The following SPG11 variants were observed in gnomAD, a reference collection of about 807,000 sequenced individuals.
SPG11 encodes spatacsin.
Under a neutral mutation model 274.0 loss-of-function variants are expected in SPG11, and 222 were observed. The observed-to-expected ratio is 0.81, with a 90% CI of 0.73 to 0.91. The LOEUF is 0.91. Ranked by LOEUF, SPG11 falls within the 40% of genes least tolerant of loss-of-function variation. SPG11 has a pLI of 0.00. For synonymous variants in SPG11, 1,144 were observed against 1,039.7 expected (o/e 1.10, Z -1.93); for missense variants, 3,114 against 2,872.7 (o/e 1.08, Z -1.92).
intron 3 of SPG11, 79 bp from the exon 4 acceptor site, chr15:44,657,375 T>C (rs2084972129): frequency 2.9e-6 from 4 of 1,359,654 alleles, no homozygotes; most frequent in African/African-American, 1.4e-5. Flanking sequence ...GAAAGAGCTA[T>C]AGACTTTATC....
In SPG11 at chr15:44,633,568, G is replaced by C; in HGVS notation, c.1672C>G (p.Pro558Ala). ...FLKSKENLFN[P>A]SSKSSVSDQF... is the part of the protein sequence containing the mutation. ...TCAGATACAGAAGATTTTGAGGATG[G>C]ATTAAAAAGATTTTCCTTGCTCTTC... is the stretch of plus-strand genomic sequence containing the variant. The change falls in exon 8 of 40, where the codon CCA becomes GCA. Residue 558 changes from proline to alanine, a missense_variant. Coordinates refer to ENST00000261866, the MANE Select transcript of SPG11 (RefSeq NM_025137.4). The C allele has an allele frequency of 6.2e-7, 1 of 1,612,040 alleles. No homozygotes were observed. The highest frequency in any genetic ancestry group is 1.3e-5 in the African/African-American group (1 of 74,900).
chr15:44,589,040 T>A (rs111589753), intron 28 of SPG11, among the ~76,000 whole-genome samples: 1 of 152,234 alleles, frequency 6.6e-6, no homozygotes, highest in Admixed American at 6.5e-5. Flanking sequence ...TAGAATGAGA[T>A]GATTGGTTAT....
Position 44,626,412 on chromosome 15 carries a change from A to C in SPG11, c.2163T>G (p.Leu721=). The C allele has an allele frequency of 2.5e-6, 4 of 1,613,972 alleles. No individual in the cohort carries two copies. The highest frequency in any genetic ancestry group is 3.4e-6 in the Non-Finnish European group (4 of 1,179,934). The change falls in exon 11 of 40, where the codon CTT becomes CTG. Residue 721 remains leucine (L), a synonymous_variant. Coordinates refer to ENST00000261866, the MANE Select transcript of SPG11 (RefSeq NM_025137.4). ...DSHSAQKLEE[L]IGIGLNLVFD... Reference sequence around the variant, plus strand: ...AGACCAAATTTAGGCCTATGCCAATAAGCTCCTCAAGTTTTTGAGCAGAAT... The same window carrying C: ...AGACCAAATTTAGGCCTATGCCAATCAGCTCCTCAAGTTTTTGAGCAGAAT...
chr15:44,597,538 C>A (rs1180629267), intron 23 of SPG11, among the ~76,000 whole-genome samples: 2 of 152,190 alleles, frequency 1.3e-5, no homozygotes, highest in African/African-American at 4.8e-5. Context: ...CTTAGGAGAA[C>A]TGAGGAAGTT....
chr15:44,659,665 A>G (rs1220429182), intron 2 of SPG11, among the ~76,000 whole-genome samples: 2 of 152,344 alleles, frequency 1.3e-5, no homozygotes, highest in South Asian at 2.1e-4. Context: ...TGCTTTAAAA[A>G]TAGAGGCCTG....
rs573539858 is a variant in SPG11 at position 44,579,521 on chromosome 15, C to T, written c.5866+4293G>A. Among the ~76,000 whole-genome samples the T allele has an allele frequency of 1.2e-4, 15 of 127,950 alleles. No individual in the cohort carries two copies. In the East Asian group the frequency reaches 1.7e-3, roughly 15 times the overall value. The allele number at this position is 127,950 out of a possible 152,430, so 83.9% of individuals were successfully genotyped here. A position where few individuals can be genotyped will look rare whatever the true frequency, so the allele number is the denominator to read the frequency against. ...TAGCATGGGCGATAGAGTGAGACTC[C>T]GTCTCAAAAAAAAAAAAAAAAAAAA... On this transcript the variant is annotated intron_variant, in intron 30 of 39. Coordinates refer to ENST00000261866, the MANE Select transcript of SPG11 (RefSeq NM_025137.4).
rs768818766 is a variant in SPG11, at chr15:44,620,261, A to C, written c.2763T>G (p.Thr921=). ...SLQQNKWPLL[T]VDVINQNTSC... ...AAGTATTCTGGTTAATAACATCAAC[A>C]GTCAGAAGGGGCCATTTGTTCTGCT... is the stretch of plus-strand genomic sequence containing the variant. Residue 921 remains threonine, a synonymous_variant, in exon 15 of 40, where the codon ACT becomes ACG. Coordinates refer to ENST00000261866, the MANE Select transcript of SPG11 (RefSeq NM_025137.4). 2 of 1,614,168 alleles carry C rather than the reference A, an allele frequency of 1.2e-6. No homozygotes were observed. Among genetic ancestry groups the C allele is most frequent in the South Asian group, 1.1e-5 (1 of 91,086 alleles).
rs781416467 is a variant in SPG11 at position 44,628,775 on chromosome 15, A to T, written c.1961T>A (p.Met654Lys). ...TSYINELRTFMIKFPWKLTDA... is the reference protein window; with the variant it reads ...TSYINELRTFKIKFPWKLTDA... ...TGTTAGCTTCCAAGGAAACTTTATC[A>T]TGAAGGTTCGAAGTTCATTAATGTA... The change falls in exon 10 of 40, where the codon ATG becomes AAG. Residue 654 changes from methionine to lysine, a missense_variant. Met to Lys is a moderately conservative substitution (Grantham distance 95). Coordinates refer to ENST00000261866, the MANE Select transcript of SPG11 (RefSeq NM_025137.4). 1 of 1,613,656 alleles carries T rather than the reference A, an allele frequency of 6.2e-7. No homozygotes were observed. Among genetic ancestry groups the T allele is most frequent in the Non-Finnish European group, 8.5e-7 (1 of 1,179,918 alleles).
chr15:44,582,197 A>G lies in SPG11; in HGVS notation c.5866+1617T>C, dbSNP rs144426870. On this transcript the variant is annotated intron_variant, in intron 30 of 39. Coordinates refer to ENST00000261866, the MANE Select transcript of SPG11 (RefSeq NM_025137.4). ...CACAATGTTTTCCAGAAAATAAAAG[A>G]GGAGGGAGTACTTTCTAACTCATGA... 8.9e-3 allele frequency among the ~76,000 whole-genome samples: 1,356 copies of G among 152,298 alleles called. 16 individuals are homozygous for G. The highest frequency in any genetic ancestry group is 0.031 in the African/African-American group (1,299 of 41,560).
rs780706613 is a variant in SPG11, at chr15:44,606,086, T to C, written c.3459A>G (p.Leu1153=). ...ACAATCTGCTAGGATCAAAGGGTGA[T>C]AATGACTGAAAAAGGGGAAAAGTTA... ...DITIYHLIQS[L]SPFDPSRLFG... is the part of the protein sequence containing the mutation. The change falls in exon 20 of 40, where the codon TTA becomes TTG. Residue 1153 remains leucine (L), a synonymous_variant. Transcript: ENST00000261866. The C allele has an allele frequency of 6.2e-7, 1 of 1,613,596 alleles. No homozygotes were observed. The highest frequency in any genetic ancestry group is 1.1e-5 in the South Asian group (1 of 91,062).
intron 8 of SPG11, among the ~76,000 whole-genome samples, chr15:44,630,114 T>C (rs185220791): frequency 2.0e-5 from 3 of 152,216 alleles, no homozygotes; most frequent in Non-Finnish European, 4.4e-5. Context: ...GCCTGTCTGA[T>C]TGCAAAGCTA....
intron 15 of SPG11, among the ~76,000 whole-genome samples, chr15:44,619,777 C>T (rs1378189941): frequency 6.7e-6 from 1 of 148,358 alleles, no homozygotes; most frequent in African/African-American, 2.5e-5. Flanking sequence ...GGCTGGAGTG[C>T]AATGGCGCAA....
rs545454425 is a variant in SPG11, at chr15:44,638,164, A to G, written c.1603-4527T>C. ...CCTGTATTATTCAAAACAATTAGTT[A>G]TTAACTGTAGATCTGAGCTGGGTGT... On this transcript the variant is annotated intron_variant, in intron 7 of 39. Coordinates refer to ENST00000261866, the MANE Select transcript of SPG11 (RefSeq NM_025137.4). Among the ~76,000 whole-genome samples the G allele has an allele frequency of 8.5e-5, 13 of 152,378 alleles. No homozygotes were observed. In the East Asian group the frequency reaches 2.3e-3, roughly 27 times the overall value.
At chr15:44,611,973 T>C (rs2083470784) in intron 17 of SPG11, among the ~76,000 whole-genome samples, 1 of 149,420 alleles carries the variant, frequency 6.7e-6, no homozygotes, top group South Asian at 2.1e-4. Context: ...GCCGGGCTAA[T>C]TTTTTTTTTG....
chr15:44,588,382 C>A (rs2082821537), intron 28 of SPG11, among the ~76,000 whole-genome samples: 1 of 151,766 alleles, frequency 6.6e-6, no homozygotes, highest in Admixed American at 6.6e-5. Flanking sequence ...GTTTGTGACC[C>A]TGAGCAATGC....
intron 29 of SPG11, 39 bp from the exon 30 acceptor site, chr15:44,584,597 A>G: frequency 1.3e-6 from 2 of 1,596,092 alleles, no homozygotes; most frequent in Non-Finnish European, 1.7e-6. Context: ...CCTTTCTTGG[A>G]TAAAAAAGTA....
intron 16 of SPG11, among the ~76,000 whole-genome samples, chr15:44,614,605 T>C (rs943819966): frequency 1.3e-5 from 2 of 152,184 alleles, no homozygotes; most frequent in Admixed American, 1.3e-4. Context: ...AGAATAAAAA[T>C]TAAGTAGAAT....
Position 44,651,509 on chromosome 15 carries a change from G to C in SPG11, c.1438C>G (p.Leu480Val), listed in dbSNP as rs1431644940. 6.2e-7 allele frequency: 1 copy of C among 1,614,116 alleles called. No individual in the cohort carries two copies. The highest frequency in any genetic ancestry group is 8.5e-7 in the Non-Finnish European group (1 of 1,179,980). The change falls in exon 6 of 40, where the codon CTG (leucine) becomes GTG (valine). Residue 480 changes from leucine (L) to valine (V), a missense_variant. Physicochemically the swap from Leu to Val is conservative, Grantham distance 32 (BLOSUM62 1). Transcript: ENST00000261866. ...IPVDSSGDQQ[L>V]CFVLTENGLS... ...GTCTCACCTGTCAAAACAAAGCACAGCTGCTGGTCTCCACTACTGTCTACA... is the reference window on the plus strand; with the variant it reads ...GTCTCACCTGTCAAAACAAAGCACACCTGCTGGTCTCCACTACTGTCTACA...
Position 44,567,610 on chromosome 15 carries a change from GA to G in SPG11, c.6586-19del. On this transcript the variant is annotated intron_variant, in intron 35 of 39. Transcript: ENST00000261866. ...GTACCACTCTGCCCAGAATAAAAGG[GA>G]AAAAGCAAGGTGTCAGTCAGGGACT... is the stretch of plus-strand genomic sequence containing the variant. 1 of 1,613,784 alleles carries G rather than the reference GA, an allele frequency of 6.2e-7. No individual in the cohort carries two copies.
Sources: allele counts gnomAD v4.1 joint callset (sites outside exome capture counted in the v4.1 genomes callset), GRCh38; gene constraint gnomAD v4.1.1; transcripts MANE v1.5; gene names NCBI Gene and HGNC (gene_info 2026-07-23, HGNC 2026-07-21).